The following ZNF862 variants were observed in gnomAD, a reference collection of about 807,000 sequenced individuals.
ZNF862 encodes zinc finger protein 862.
ZNF862 carries 64 observed loss-of-function variants against 91.1 expected under a neutral mutation model. That is an observed-to-expected ratio of 0.70 (90% confidence interval 0.57 to 0.87). The LOEUF is 0.87. ZNF862 is among the 40% of genes least tolerant of loss of function. The pLI, the probability that ZNF862 is intolerant of heterozygous loss-of-function variation, is 0.00. For missense variants in ZNF862, 1,459 were observed against 1,528.0 expected (o/e 0.95, Z 0.75); for synonymous variants, 631 against 618.1 (o/e 1.02, Z -0.31).
rs1802510441 is a variant in ZNF862 at position 149,861,700 on chromosome 7, TC to T, written c.2542del (p.Leu848Ter). 3.7e-6 allele frequency: 6 copies of T among 1,613,010 alleles called. No homozygotes were observed. The highest frequency in any genetic ancestry group is 1.6e-4 in the Middle Eastern group (1 of 6,082). On this transcript the variant is annotated frameshift_variant, in exon 7 of 8. Coordinates refer to ENST00000223210, the MANE Select transcript of ZNF862 (RefSeq NM_001099220.3). LOFTEE classifies it high-confidence loss of function. This position sits in a 1 kb window ranked among gnomAD's most constrained non-coding sequence, Gnocchi z 6.7. Reference sequence around the variant, plus strand: ...AAGTTCTGCCACTTCCTGTTGGACTTCCTGAGCATCTACAGGCCTCTGTCCG... The same window carrying T: ...AAGTTCTGCCACTTCCTGTTGGACTTCTGAGCATCTACAGGCCTCTGTCCG... Reference protein sequence around the residue: ...FVKFCHFLLDFLSIYRPLSEV... With the variant: ...FVKFCHFLLDXLSIYRPLSEV...
Position 149,860,913 on chromosome 7 carries a change from A to G in ZNF862, c.1753A>G (p.Thr585Ala), listed in dbSNP as rs1323422773. Reference sequence around the variant, plus strand: ...GAAGATCCTGCAGCTCCTCCAAAGCACGGGGACCGTGATATTAGGCAAGTA... The same window carrying G: ...GAAGATCCTGCAGCTCCTCCAAAGCGCGGGGACCGTGATATTAGGCAAGTA... ...FEKILQLLQSTGTVILGKYRN... is the reference protein window; with the variant it reads ...FEKILQLLQSAGTVILGKYRN... Residue 585 changes from threonine (T) to alanine (A), a missense_variant, in exon 7 of 8, where the codon ACG becomes GCG. Coordinates refer to ENST00000223210, the MANE Select transcript of ZNF862 (RefSeq NM_001099220.3). The G allele has an allele frequency of 8.7e-6, 14 of 1,613,710 alleles. No homozygotes were observed. The highest frequency in any genetic ancestry group is 1.3e-5 in the African/African-American group (1 of 74,930).
Position 149,859,621 on chromosome 7 carries a change from TGGG to T in ZNF862, c.1222+98_1222+100del. ...CATGAGCTCAGCTGTGCTCATCTGA[TGGG>T]GGCCGATTGGGCACCAAGCCTGGCA... is the stretch of plus-strand genomic sequence containing the variant. On this transcript the variant is annotated intron_variant, in intron 6 of 7. Transcript: ENST00000223210. 3.8e-6 allele frequency: 4 copies of T among 1,056,732 alleles called. 1 individual carries two copies. 65.5% of individuals were successfully genotyped at this position (1,056,732 alleles called of 1,614,324 possible).
At chr7:149,856,727 G>C (rs574075404) in intron 5 of ZNF862, among the ~76,000 whole-genome samples, 1 of 152,292 alleles carries the variant, frequency 6.6e-6, no homozygotes, top group African/African-American at 2.4e-5. Context: ...GGTCTGAGAT[G>C]TGCCTTTGTC....
chr7:149,839,179 T>A (rs1801622263), intron 1 of ZNF862, among the ~76,000 whole-genome samples: 1 of 152,182 alleles, frequency 6.6e-6, no homozygotes, highest in Non-Finnish European at 1.5e-5. Flanking sequence ...GGCAAGAGGC[T>A]TTGAGTTGGA....
At position 149,847,837 on chromosome 7, in the gene ZNF862, T is replaced by G. The variant is rs1373690794; in HGVS notation, c.344T>G (p.Leu115Arg). The change falls in exon 4 of 8, where the codon CTC (leucine) becomes CGC (arginine). Residue 115 changes from leucine (L) to arginine (R), a missense_variant. Transcript: ENST00000223210. ...PPQKKAYLSH[L>R]STGSGHIEGD... ...CAGAAGAAAGCCTACCTTTCCCACC[T>G]CAGTACAGGCAGTGGACACATCGAG... The G allele has an allele frequency of 4.3e-6, 7 of 1,613,404 alleles. No individual in the cohort carries two copies. The Admixed American group carries it at 1.0e-4, about 23-fold the overall frequency.
Position 149,850,422 on chromosome 7 carries a change from C to A in ZNF862, c.1117+84C>A. Reference sequence around the variant, plus strand: ...GGGAGCTGTGGCTTGTGGTTATCTTCCCATTCCTGCCCCCTCCCTGTGTGT... The same window carrying A: ...GGGAGCTGTGGCTTGTGGTTATCTTACCATTCCTGCCCCCTCCCTGTGTGT... On this transcript the variant is annotated intron_variant, in intron 5 of 7. Transcript: ENST00000223210. This position sits in a 1 kb window ranked among gnomAD's most constrained non-coding sequence, Gnocchi z 4.2. 7.3e-7 allele frequency: 1 copy of A among 1,373,576 alleles called. No individual in the cohort carries two copies. Among genetic ancestry groups the A allele is most frequent in the Non-Finnish European group, 9.9e-7 (1 of 1,013,976 alleles). 85.1% of individuals were successfully genotyped at this position (1,373,576 alleles called of 1,614,324 possible). A position where few individuals can be genotyped will look rare whatever the true frequency, so the allele number is the denominator to read the frequency against.
Position 149,850,234 on chromosome 7 carries a change from T to C in ZNF862, c.1013T>C (p.Val338Ala). 6.2e-7 allele frequency: 1 copy of C among 1,611,696 alleles called. No individual in the cohort carries two copies. The highest frequency in any genetic ancestry group is 1.3e-5 in the African/African-American group (1 of 74,986). ...GAGCTGCCGGTGGTGTTCGAGGATGTGGCAGTGTATTTCACCCGGGAGGAG... is the reference window on the plus strand; with the variant it reads ...GAGCTGCCGGTGGTGTTCGAGGATGCGGCAGTGTATTTCACCCGGGAGGAG... ...FEELPVVFED[V>A]AVYFTREEWG... The change falls in exon 5 of 8, where the codon GTG (valine) becomes GCG (alanine). Residue 338 changes from valine to alanine, a missense_variant. Transcript: ENST00000223210. The surrounding 1 kb of genome is among the most constrained non-coding windows in gnomAD (Gnocchi z 4.2).
rs148897296 is a variant in ZNF862 at position 149,845,412 on chromosome 7, C to T, written c.136+676C>T. On this transcript the variant is annotated intron_variant, in intron 2 of 7. Coordinates refer to ENST00000223210, the MANE Select transcript of ZNF862 (RefSeq NM_001099220.3). The stretch of plus-strand genomic sequence containing the variant: ...CTACCATGCCTGTCTTTTCTTATTT[C>T]ATCTTGGCCCCTGTGTAAGGCACGG... Among the ~76,000 whole-genome samples the T allele has an allele frequency of 4.3e-4, 66 of 152,278 alleles. No individual in the cohort carries two copies. In the East Asian group the frequency reaches 8.9e-3, roughly 20 times the overall value.
In ZNF862 at chr7:149,848,412, G is replaced by A. The variant is rs934459209; in HGVS notation, c.919G>A (p.Ala307Thr). Residue 307 changes from alanine (A) to threonine (T), a missense_variant, in exon 4 of 8, where the codon GCA becomes ACA. Physicochemically the swap from Ala to Thr is moderately conservative, Grantham distance 58 (BLOSUM62 0). Transcript: ENST00000223210. ...AGACATTAATATTTTATATAATGATGCAGTAGAATCCTGCATTCAGGTAAT... is the reference window on the plus strand; with the variant it reads ...AGACATTAATATTTTATATAATGATACAGTAGAATCCTGCATTCAGGTAAT... ...SSDINILYNDAVESCIQDPSA... is the reference protein window; with the variant it reads ...SSDINILYNDTVESCIQDPSA... The A allele has an allele frequency of 1.9e-6, 3 of 1,558,712 alleles. No individual in the cohort carries two copies. The highest frequency in any genetic ancestry group is 8.7e-7 in the Non-Finnish European group (1 of 1,151,456).
chr7:149,846,304 C>T, intron 3 of ZNF862, 49 bp downstream of exon 3: 1 of 1,442,962 alleles, frequency 6.9e-7, no homozygotes, highest in Non-Finnish European at 9.7e-7. Flanking sequence ...GGAGAGGGAG[C>T]ATGGGCAGCC....
At position 149,861,060 on chromosome 7, in the gene ZNF862, G is replaced by T. The variant is rs201879399; in HGVS notation, c.1900G>T (p.Ala634Ser). The T allele has an allele frequency of 1.2e-6, 2 of 1,612,688 alleles. No homozygotes were observed. Among genetic ancestry groups the T allele is most frequent in the Admixed American group, 3.3e-5 (2 of 59,938 alleles). The change falls in exon 7 of 8, where the codon GCC (alanine) becomes TCC (serine). Residue 634 changes from alanine (A) to serine (S), a missense_variant. Ala to Ser is a moderately conservative substitution (Grantham distance 99). Transcript: ENST00000223210. The surrounding 1 kb of genome is among the most constrained non-coding windows in gnomAD (Gnocchi z 6.7). Reference protein sequence around the residue: ...VSVLLDSSTDASEQACVGIYI... With the variant: ...VSVLLDSSTDSSEQACVGIYI... ...CGTGCTGCTGGACAGCTCCACCGAC[G>T]CCTCCGAGCAGGCCTGCGTGGGGAT... is the stretch of plus-strand genomic sequence containing the variant.
chr7:149,856,005 A>G (rs905257057), intron 5 of ZNF862: 4 of 152,340 alleles, frequency 2.6e-5, no homozygotes, highest in Non-Finnish European at 5.9e-5. Context: ...TATCCTTGAC[A>G]ATGCTTTCCA....
intron 4 of ZNF862, 123 bp downstream of exon 4, chr7:149,848,555 T>TTAGCAG: frequency 1.3e-6 from 1 of 789,010 alleles, no homozygotes; most frequent in Non-Finnish European, 1.9e-6. Context: ...CATCATAATG[T>TTAGCAG]TGGCATATAC....
rs1448260774 is a variant in ZNF862 at position 149,859,425 on chromosome 7, C to A, written c.1121C>A (p.Pro374His). The change falls in exon 6 of 8, where the codon CCT becomes CAT. Residue 374 changes from proline to histidine, a missense_variant. By Grantham distance (77) the Pro-to-His change is moderately conservative. Transcript: ENST00000223210. ...MNYELLASLG[P>H]AAAKPDLISK... ...TGATTCTTCATCCTTACAACAGGAC[C>A]TGCCGCTGCCAAGCCAGACTTGATC... The A allele has an allele frequency of 1.3e-6, 2 of 1,573,470 alleles. No individual in the cohort carries two copies. The highest frequency in any genetic ancestry group is 1.2e-5 in the South Asian group (1 of 85,470).
chr7:149,850,077 A>G lies in ZNF862; in HGVS notation c.940-84A>G, dbSNP rs761593306. 1 of 1,444,090 alleles carries G rather than the reference A, an allele frequency of 6.9e-7. No individual in the cohort carries two copies. Among genetic ancestry groups the G allele is most frequent in the East Asian group, 2.5e-5 (1 of 40,374 alleles). 89.5% of individuals were successfully genotyped at this position (1,444,090 alleles called of 1,614,324 possible). A position where few individuals can be genotyped will look rare whatever the true frequency, so the allele number is the denominator to read the frequency against. ...CCTCTTGGTGAGCTTCCCAGGAGAAATAGGGCTTCCAAAGGCCCCAGAAGT... is the reference window on the plus strand; with the variant it reads ...CCTCTTGGTGAGCTTCCCAGGAGAAGTAGGGCTTCCAAAGGCCCCAGAAGT... On this transcript the variant is annotated intron_variant, in intron 4 of 7. Coordinates refer to ENST00000223210, the MANE Select transcript of ZNF862 (RefSeq NM_001099220.3). This position sits in a 1 kb window ranked among gnomAD's most constrained non-coding sequence, Gnocchi z 4.2.
rs776850592 is a variant in ZNF862, at chr7:149,861,310, C to T, written c.2150C>T (p.Pro717Leu). 15 of 1,612,832 alleles carry T rather than the reference C, an allele frequency of 9.3e-6. No homozygotes were observed. Among genetic ancestry groups the T allele is most frequent in the South Asian group, 6.6e-5 (6 of 91,064 alleles). Residue 717 changes from proline to leucine, a missense_variant, in exon 7 of 8, where the codon CCG (proline) becomes CTG (leucine). Coordinates refer to ENST00000223210, the MANE Select transcript of ZNF862 (RefSeq NM_001099220.3). This position sits in a 1 kb window ranked among gnomAD's most constrained non-coding sequence, Gnocchi z 6.7. ...GTGGAAAAGTTCCAGGAGGTCATCCCGCAGCTGCTGCCTGTCCACTGCGTG... is the reference window on the plus strand; with the variant it reads ...GTGGAAAAGTTCCAGGAGGTCATCCTGCAGCTGCTGCCTGTCCACTGCGTG... ...GLVEKFQEVI[P>L]QLLPVHCVAH...
chr7:149,858,042 G>A lies in ZNF862; in HGVS notation c.1118-1380G>A, dbSNP rs370275640. Among the ~76,000 whole-genome samples, 288 of 152,160 alleles carry A rather than the reference G, an allele frequency of 1.9e-3. 3 individuals are homozygous for A. Among genetic ancestry groups the A allele is most frequent in the African/African-American group, 6.8e-3 (281 of 41,496 alleles). On this transcript the variant is annotated intron_variant, in intron 5 of 7. Transcript: ENST00000223210. The stretch of plus-strand genomic sequence containing the variant: ...TGGTGGTGGTGTTTCCTGGTTTCCC[G>A]GAATAGGTGAGAGGACCTGGGATTG...
At chr7:149,839,407 C>T (rs1191229987) in intron 1 of ZNF862, among the ~76,000 whole-genome samples, 1 of 152,118 alleles carries the variant, frequency 6.6e-6, no homozygotes, top group Non-Finnish European at 1.5e-5. Context: ...TCTCAACAAA[C>T]GTTTTCGACT....
chr7:149,847,296 C>T (rs1801902824), intron 3 of ZNF862, among the ~76,000 whole-genome samples: 1 of 152,164 alleles, frequency 6.6e-6, no homozygotes, highest in African/African-American at 2.4e-5. Context: ...AAACTGCCTG[C>T]CCAGGAGATA....
Sources: gnomAD v4.1 joint callset for allele counts (sites outside exome capture counted in the v4.1 genomes callset) on GRCh38, gnomAD v4.1.1 for gene constraint, Gnocchi (gnomAD v3.1) non-coding constraint, MANE v1.5 for transcripts, NCBI Gene and HGNC (gene_info 2026-07-23, HGNC 2026-07-21) for gene names.